The following CATSPERT variants were observed in gnomAD, a reference collection of about 807,000 sequenced individuals.
CATSPERT encodes catsper channel auxiliary subunit tau, also known as cation channel sperm-associated targeting subunit tau.
At chr2:201,601,073 C>T in the CATSPERT span, among the ~76,000 whole-genome samples, 468 of 152,024 alleles carry the variant, frequency 3.1e-3, 3 homozygotes, top group African/African-American at 0.01. Flanking sequence ...TTTTAAGATA[C>T]ATTTAAGATT....
the CATSPERT span, among the ~76,000 whole-genome samples, chr2:201,562,187 C>CTTT: frequency 1.8e-4 from 22 of 121,246 alleles, no homozygotes; most frequent in Non-Finnish European, 2.2e-4. Context: ...TCTAATAATT[C>CTTT]TTTTTTTTTT....
At chr2:201,616,575 T>C in the CATSPERT span, among the ~76,000 whole-genome samples, 1 of 152,200 alleles carries the variant, frequency 6.6e-6, no homozygotes, top group Non-Finnish European at 1.5e-5. Context: ...ATAAGAGCTA[T>C]TTATGACAAA....
chr2:201,594,882 A>G, the CATSPERT span, among the ~76,000 whole-genome samples: 2 of 152,030 alleles, frequency 1.3e-5, no homozygotes, highest in African/African-American at 4.8e-5. Flanking sequence ...ACATTCTTCT[A>G]AATTTTTTTC....
At chr2:201,601,488 G>A in the CATSPERT span, among the ~76,000 whole-genome samples, 40 of 152,030 alleles carry the variant, frequency 2.6e-4, no homozygotes, top group Admixed American at 2.6e-3. Context: ...AATGAATACT[G>A]GAAACCACAG....
the CATSPERT span, among the ~76,000 whole-genome samples, chr2:201,527,068 T>G: frequency 6.6e-6 from 1 of 152,152 alleles, no homozygotes; most frequent in Non-Finnish European, 1.5e-5. Context: ...AGTTTCAGGA[T>G]GCAAAAATCA....
chr2:201,564,681 T>C, the CATSPERT span, among the ~76,000 whole-genome samples: 1 of 151,900 alleles, frequency 6.6e-6, no homozygotes, highest in Non-Finnish European at 1.5e-5. Flanking sequence ...AGAGAGATGA[T>C]CTCCCTCCAC....
the CATSPERT span, among the ~76,000 whole-genome samples, chr2:201,608,121 C>T: frequency 1.3e-5 from 2 of 152,158 alleles, no homozygotes; most frequent in Admixed American, 6.5e-5. Flanking sequence ...AGCTGGGACT[C>T]ATATAGGGTA....
chr2:201,494,443 T>C, the CATSPERT span: 24 of 1,537,602 alleles, frequency 1.6e-5, 1 homozygote, highest in Admixed American at 4.7e-4. Flanking sequence ...TAAAGATACA[T>C]TTGGTAGATT....
the CATSPERT span, chr2:201,547,692 A>G: frequency 1.5e-6 from 1 of 656,152 alleles, no homozygotes; most frequent in Non-Finnish European, 2.4e-6. Context: ...GAATACTTGC[A>G]ATGTGATCCA....
At chr2:201,602,330 T>C in the CATSPERT span, among the ~76,000 whole-genome samples, 1 of 152,178 alleles carries the variant, frequency 6.6e-6, no homozygotes, top group East Asian at 1.9e-4. Flanking sequence ...TTGGTCTGTA[T>C]TGTATCTTTC....
chr2:201,499,770 T>G, the CATSPERT span, among the ~76,000 whole-genome samples: 1 of 151,044 alleles, frequency 6.6e-6, no homozygotes, highest in African/African-American at 2.4e-5. Flanking sequence ...GAGTGGGAGG[T>G]TGCAGTGAGC....
chr2:201,582,466 C>T, the CATSPERT span, among the ~76,000 whole-genome samples: 37 of 152,096 alleles, frequency 2.4e-4, no homozygotes, highest in Non-Finnish European at 3.7e-4. Flanking sequence ...TTGCTTATAT[C>T]TAACGGCAAT....
chr2:201,604,330 T>C, the CATSPERT span, among the ~76,000 whole-genome samples: 1 of 152,146 alleles, frequency 6.6e-6, no homozygotes, highest in African/African-American at 2.4e-5. Context: ...CTAGAGATTC[T>C]AAGTTAGCAG....
chr2:201,559,231 C>A, the CATSPERT span, among the ~76,000 whole-genome samples: 5 of 152,212 alleles, frequency 3.3e-5, no homozygotes, highest in African/African-American at 9.6e-5. Flanking sequence ...GGCATGTCCC[C>A]AGGCTGGGCA....
chr2:201,536,046 A>C, the CATSPERT span: 9 of 1,612,658 alleles, frequency 5.6e-6, no homozygotes, highest in African/African-American at 1.3e-5. Context: ...GTCTGCTTTT[A>C]AAATGCTTGG....
At chr2:201,544,912 G>A in the CATSPERT span, among the ~76,000 whole-genome samples, 1 of 151,762 alleles carries the variant, frequency 6.6e-6, no homozygotes, top group Non-Finnish European at 1.5e-5. Context: ...TGGGAAGACT[G>A]ATTGAACCCA....
At chr2:201,487,626 T>C in the CATSPERT span, 2 of 1,611,266 alleles carry the variant, frequency 1.2e-6, no homozygotes, top group Non-Finnish European at 8.5e-7. Flanking sequence ...TATCCTCTTT[T>C]AATTTTTTTT....
chr2:201,499,699 G>A, the CATSPERT span, among the ~76,000 whole-genome samples: 1 of 151,948 alleles, frequency 6.6e-6, no homozygotes, highest in East Asian at 1.9e-4. Context: ...GCCAGGTGTG[G>A]TGGTGCAGCC....
the CATSPERT span, among the ~76,000 whole-genome samples, chr2:201,581,548 GTATATATATA>G: frequency 4.9e-3 from 47 of 9,652 alleles, no homozygotes; most frequent in African/African-American, 0.015. Flanking sequence ...AAAAATGTGT[GTATATATATA>G]TATATATATA....
Sources: allele counts gnomAD v4.1 joint callset (sites outside exome capture counted in the v4.1 genomes callset), GRCh38; gene constraint gnomAD v4.1.1; transcripts MANE v1.5; gene names NCBI Gene and HGNC (gene_info 2026-07-23, HGNC 2026-07-21).